The following NREP variants were observed in gnomAD, a reference collection of about 807,000 sequenced individuals.
NREP encodes neuronal regeneration related protein.
A neutral mutation model predicts 8.6 loss-of-function variants in NREP; 5 were observed. The ratio of observed to expected loss-of-function variants is 0.58; its 90% CI spans 0.30 to 1.22. The LOEUF is 1.22. Among genes scored for constraint, NREP ranks in the 50% most tolerant of loss-of-function variants. The pLI is 0.07. For missense variants in NREP, 86 were observed against 82.5 expected, an observed-to-expected ratio of 1.04 and a Z score of -0.17; for synonymous variants, 27 against 28.0, an observed-to-expected ratio of 0.96 and a Z score of 0.11.
Position 111,837,772 on chromosome 5 carries a change from AC to A in NREP, c.136-102266del, listed in dbSNP as rs574651668. Among the ~76,000 whole-genome samples the A allele has an allele frequency of 1.2e-4, 18 of 152,212 alleles. No homozygotes were observed. In the South Asian group the frequency reaches 3.5e-3, roughly 30 times the overall value. On this transcript the variant is annotated intron_variant, in intron 2 of 3. Transcript: ENST00000395634. ...TTAGGTGAATTGTTGATGAAAAACC[AC>A]ACATTTCATATGGTGGCAAAGTAGC...
At chr5:111,855,015 T>C (rs1396671874) in intron 2 of NREP, among the ~76,000 whole-genome samples, 1 of 152,240 alleles carries the variant, frequency 6.6e-6, no homozygotes, top group African/African-American at 2.4e-5. Context: ...TCACTGATTT[T>C]TTTTTATTAA....
At chr5:111,820,570 AT>A (rs562147643) in intron 2 of NREP, among the ~76,000 whole-genome samples, 96 of 148,410 alleles carry the variant, frequency 6.5e-4, no homozygotes, top group South Asian at 8.5e-4. Context: ...GCTAGAGCTG[AT>A]TTTTTTTTTT....
At chr5:111,749,950 A>G (rs1015075078) in intron 2 of NREP, among the ~76,000 whole-genome samples, 3 of 152,162 alleles carry the variant, frequency 2.0e-5, no homozygotes, top group African/African-American at 4.8e-5. Flanking sequence ...CAGAAAGTGT[A>G]AGTGAGTGAG....
At chr5:111,925,354 A>G (rs1755357558) in intron 2 of NREP, among the ~76,000 whole-genome samples, 1 of 152,154 alleles carries the variant, frequency 6.6e-6, no homozygotes, top group Non-Finnish European at 1.5e-5. Flanking sequence ...CTGCCAGGAC[A>G]GTCCTTCTTA....
intron 2 of NREP, among the ~76,000 whole-genome samples, chr5:111,902,297 C>T (rs557231556): frequency 6.6e-6 from 1 of 152,076 alleles, no homozygotes; most frequent in South Asian, 2.1e-4. Context: ...AAAATCAACT[C>T]GAGATGGATT....
Position 111,837,560 on chromosome 5 carries a change from A to G in NREP, c.136-102053T>C, listed in dbSNP as rs544612982. On this transcript the variant is annotated intron_variant, in intron 2 of 3. Transcript: ENST00000395634. Reference sequence around the variant, plus strand: ...TACTTTGAAAAGTGGTAATTAAAAGAGATAAGACTTTATCTTACCTTTCTA... The same window carrying G: ...TACTTTGAAAAGTGGTAATTAAAAGGGATAAGACTTTATCTTACCTTTCTA... Among the ~76,000 whole-genome samples the G allele has an allele frequency of 2.0e-5, 3 of 152,226 alleles. No individual in the cohort carries two copies. The South Asian group carries it at 6.2e-4, about 32-fold the overall frequency.
At chr5:111,757,563 C>T (rs1750807968), upstream of NREP, 2 of 984,664 alleles carry the variant, frequency 2.0e-6, no homozygotes, top group Non-Finnish European at 2.4e-6. Context: ...ACTGCTTACT[C>T]GGCAGGAATC....
At chr5:111,921,196 C>G (rs1027142882) in intron 2 of NREP, among the ~76,000 whole-genome samples, 12 of 152,116 alleles carry the variant, frequency 7.9e-5, no homozygotes, top group African/African-American at 2.7e-4. Flanking sequence ...AGTGGAGACC[C>G]TAACAGTTGT....
At chr5:111,874,695 C>T (rs1753865045) in intron 2 of NREP, among the ~76,000 whole-genome samples, 2 of 152,258 alleles carry the variant, frequency 1.3e-5, no homozygotes, top group South Asian at 4.1e-4. Flanking sequence ...ATCATCAGTT[C>T]TGAGAGTGAA....
At chr5:111,807,793 C>G (rs995616085) in intron 2 of NREP, among the ~76,000 whole-genome samples, 2 of 152,146 alleles carry the variant, frequency 1.3e-5, no homozygotes, top group Non-Finnish European at 2.9e-5. Flanking sequence ...CCCACCAACT[C>G]TGAATATCAG....
intron 2 of NREP, among the ~76,000 whole-genome samples, chr5:111,818,741 A>AGAC: frequency 6.6e-6 from 1 of 152,258 alleles, no homozygotes; most frequent in South Asian, 2.1e-4. Flanking sequence ...GTAGTGTACC[A>AGAC]TTGTTTGACA....
rs552753489 is a variant in NREP at position 111,884,380 on chromosome 5, G to A, written c.135+90894C>T. On this transcript the variant is annotated intron_variant, in intron 2 of 3. Coordinates refer to the NREP transcript ENST00000395634. Reference sequence around the variant, plus strand: ...CCAGGACCAGATGGATTCACAGCCGGATTCTACCAGAGGTACAAGGAGGAA... The same window carrying A: ...CCAGGACCAGATGGATTCACAGCCGAATTCTACCAGAGGTACAAGGAGGAA... Among the ~76,000 whole-genome samples the A allele has an allele frequency of 2.4e-3, 357 of 151,322 alleles. 1 individual carries two copies. The highest frequency in any genetic ancestry group is 8.2e-3 in the African/African-American group (337 of 40,862).
chr5:111,869,214 A>C (rs1207525282), intron 2 of NREP, among the ~76,000 whole-genome samples: 1 of 152,236 alleles, frequency 6.6e-6, no homozygotes, highest in East Asian at 1.9e-4. Flanking sequence ...CTAGTTGAGG[A>C]GAAGTATATA....
intron 2 of NREP, among the ~76,000 whole-genome samples, chr5:111,849,766 T>A (rs1339591944): frequency 2.0e-5 from 3 of 152,132 alleles, no homozygotes; most frequent in Non-Finnish European, 4.4e-5. Flanking sequence ...TTTTCTAGAC[T>A]CCCTTGTAGC....
upstream of NREP, chr5:111,757,343 G>A (rs546789630): frequency 1.1e-5 from 10 of 879,156 alleles, no homozygotes; most frequent in African/African-American, 1.8e-5. Context: ...AAGAAGTGCA[G>A]CCTTGGAAAA....
At chr5:111,976,731 T>G in exon 1 of NREP, 2 of 1,550,816 alleles carry the variant, frequency 1.3e-6, no homozygotes, top group African/African-American at 2.7e-5. Flanking sequence ...AATTCCAAAC[T>G]CCTTTCATTC....
intron 2 of NREP, among the ~76,000 whole-genome samples, chr5:111,775,504 ACTC>A (rs1236202472): frequency 2.6e-5 from 4 of 151,996 alleles, no homozygotes; most frequent in Non-Finnish European, 5.9e-5. Context: ...CAGCAGCCCT[ACTC>A]ATATTCTGTG....
intron 2 of NREP, among the ~76,000 whole-genome samples, chr5:111,898,647 G>C (rs1486280252): frequency 6.6e-6 from 1 of 152,068 alleles, no homozygotes; most frequent in African/African-American, 2.4e-5. Flanking sequence ...TGAAGCAACT[G>C]TCTCCCCTCA....
chr5:111,757,798 A>T, upstream of NREP: 15 of 971,214 alleles, frequency 1.5e-5, no homozygotes, highest in Non-Finnish European at 1.8e-5. Flanking sequence ...CTCCGCCTCG[A>T]CGTGCGGTTG....
Sources: gnomAD v4.1 joint callset for allele counts (sites outside exome capture counted in the v4.1 genomes callset) on GRCh38, gnomAD v4.1.1 for gene constraint, MANE v1.5 for transcripts, NCBI Gene and HGNC (gene_info 2026-07-23, HGNC 2026-07-21) for gene names.